The following CCL17 variants were observed in gnomAD, a reference collection of about 807,000 sequenced individuals.
The protein encoded by CCL17 is C-C motif chemokine 17.
CCL17 carries 8 observed loss-of-function variants against 7.4 expected under a neutral mutation model. The ratio of observed to expected loss-of-function variants is 1.09; its 90% CI spans 0.64 to 1.96. The LOEUF (loss-of-function observed/expected upper bound fraction) is 1.96. Ranked by LOEUF, CCL17 falls within the 30% of genes most tolerant of loss-of-function variation. The pLI, the probability that CCL17 is intolerant of heterozygous loss-of-function variation, is 0.00. For synonymous variants in CCL17, 40 were observed against 46.1 expected (o/e 0.87, Z 0.54); for missense variants, 102 against 113.0 (o/e 0.90, Z 0.44).
chr16:57,396,746 G>A, the CCL17 span, among the ~76,000 whole-genome samples: 1 of 152,194 alleles, frequency 6.6e-6, no homozygotes, highest in African/African-American at 2.4e-5. Flanking sequence ...AAGTTACTGT[G>A]ATCAGTTGGG....
chr16:57,408,279 T>C (rs4396523), intron 1 of CCL17, among the ~76,000 whole-genome samples: 33,452 of 151,614 alleles, frequency 0.22, 7,331 homozygotes, highest in African/African-American at 0.57. Flanking sequence ...ACTCATCCAT[T>C]CATCACTCAC....
the CCL17 span, among the ~76,000 whole-genome samples, chr16:57,397,228 A>G: frequency 6.6e-6 from 1 of 152,222 alleles, no homozygotes; most frequent in South Asian, 2.1e-4. Context: ...GGCTTTGACT[A>G]CTTGTCGGAT....
upstream of CCL17, among the ~76,000 whole-genome samples, chr16:57,401,043 CCTT>C (rs10680121): frequency 0.026 from 3,865 of 150,752 alleles, 55 homozygotes; most frequent in Admixed American, 0.04. Flanking sequence ...CTCCAGACAC[CCTT>C]CTTCTTCTTC....
intron 1 of CCL17, among the ~76,000 whole-genome samples, chr16:57,408,567 C>T (rs1902734828): frequency 7.1e-6 from 1 of 141,100 alleles, no homozygotes; most frequent in Admixed American, 6.7e-5. Context: ...CACTGTAACA[C>T]CTGGCTATTT....
chr16:57,397,654 A>C, the CCL17 span, among the ~76,000 whole-genome samples: 1 of 152,158 alleles, frequency 6.6e-6, no homozygotes, highest in Admixed American at 6.5e-5. Context: ...GTGGTATTTA[A>C]TGGGAGCTCC....
intron 1 of CCL17, among the ~76,000 whole-genome samples, chr16:57,412,485 A>G (rs1302609915): frequency 6.6e-6 from 1 of 152,218 alleles, no homozygotes; most frequent in Non-Finnish European, 1.5e-5. Flanking sequence ...AAAACAAGAA[A>G]CAAAAATCTC....
chr16:57,400,098 G>A (rs534491079), upstream of CCL17, among the ~76,000 whole-genome samples: 107 of 152,308 alleles, frequency 7.0e-4, no homozygotes, highest in Non-Finnish European at 1.2e-3. Context: ...GGTGGCTCAC[G>A]CCTGTAATCC....
At chr16:57,408,240 C>T (rs575523455) in intron 1 of CCL17, among the ~76,000 whole-genome samples, 2 of 152,152 alleles carry the variant, frequency 1.3e-5, no homozygotes, top group South Asian at 4.2e-4. Flanking sequence ...ATCCATCCAT[C>T]CGTCCATTCT....
chr16:57,400,259 T>C (rs1236217181), upstream of CCL17, among the ~76,000 whole-genome samples: 1 of 151,846 alleles, frequency 6.6e-6, no homozygotes, highest in African/African-American at 2.4e-5. Flanking sequence ...CTTGGGAGGC[T>C]GAGCTAGGAG....
intron 1 of CCL17, among the ~76,000 whole-genome samples, chr16:57,405,799 C>T (rs1177233123): frequency 2.0e-5 from 3 of 151,024 alleles, no homozygotes; most frequent in African/African-American, 7.3e-5. Context: ...TTTGGGAGGC[C>T]GAGGCAGGTG....
intron 2 of CCL17, 83 bp from the exon 3 acceptor site, chr16:57,414,998 T>A: frequency 1.2e-6 from 1 of 840,102 alleles, no homozygotes. Flanking sequence ...CACATGCAGA[T>A]CTTCCACGAA....
Position 57,415,749 on chromosome 16 carries a change from T to G in CCL17, c.189-16T>G, listed in dbSNP as rs1489844003. On this transcript the variant is annotated splice_polypyrimidine_tract_variant and intron_variant, in intron 3 of 3. Transcript: ENST00000219244. This position sits in a 1 kb window ranked among gnomAD's most constrained non-coding sequence, Gnocchi z 4.5. Reference sequence around the variant, plus strand: ...TCCCCCCCTGCCACTCCTGGTAACGTCCTCCTTCTGTGTAGTTTTGTAACT... The same window carrying G: ...TCCCCCCCTGCCACTCCTGGTAACGGCCTCCTTCTGTGTAGTTTTGTAACT... 7 of 1,567,228 alleles carry G rather than the reference T, an allele frequency of 4.5e-6. No homozygotes were observed. Among genetic ancestry groups the G allele is most frequent in the Middle Eastern group, 3.4e-4 (2 of 5,870 alleles).
upstream of CCL17, among the ~76,000 whole-genome samples, chr16:57,399,819 CA>C (rs2146527657): frequency 6.6e-6 from 1 of 152,286 alleles, no homozygotes; most frequent in South Asian, 2.1e-4. Flanking sequence ...TGCATTTTCT[CA>C]TTGTCATCCC....
Position 57,415,205 on chromosome 16 carries a change from C to T in CCL17, c.188+7C>T. 1 of 1,553,670 alleles carries T rather than the reference C, an allele frequency of 6.4e-7. No homozygotes were observed. The highest frequency in any genetic ancestry group is 8.9e-7 in the Non-Finnish European group (1 of 1,124,942). ...GCTCCAGGGATGCCATCGTGTAAGTCCCCCTGGCTCCACCCCTGCTCCTCA... is the reference window on the plus strand; with the variant it reads ...GCTCCAGGGATGCCATCGTGTAAGTTCCCCTGGCTCCACCCCTGCTCCTCA... On this transcript the variant is annotated splice_region_variant and intron_variant, in intron 3 of 3. Transcript: ENST00000219244. The surrounding 1 kb of genome is among the most constrained non-coding windows in gnomAD (Gnocchi z 4.5).
chr16:57,411,708 G>A (rs961136434), intron 1 of CCL17, among the ~76,000 whole-genome samples: 2 of 152,218 alleles, frequency 1.3e-5, no homozygotes, highest in South Asian at 2.1e-4. Context: ...GGTGGTCGGC[G>A]GAGGCGCCCC....
At chr16:57,403,664 A>ATT (rs1159020283), upstream of CCL17, among the ~76,000 whole-genome samples, 71 of 92,850 alleles carry the variant, frequency 7.6e-4, 2 homozygotes, top group Middle Eastern at 8.9e-3. Context: ...ATATATATAT[A>ATT]TATATTTTTT....
intron 1 of CCL17, among the ~76,000 whole-genome samples, chr16:57,406,453 A>G (rs1902697251): frequency 1.3e-5 from 2 of 152,094 alleles, no homozygotes; most frequent in Admixed American, 6.5e-5. Flanking sequence ...TAATTTTCTC[A>G]TCTGTAGAAA....
chr16:57,412,443 T>C (rs1307083066), intron 1 of CCL17, among the ~76,000 whole-genome samples: 1 of 152,208 alleles, frequency 6.6e-6, no homozygotes, highest in Non-Finnish European at 1.5e-5. Flanking sequence ...GCTCCAGTAG[T>C]GTGGGGTTTC....
chr16:57,409,959 C>A (rs1215096303), intron 1 of CCL17, among the ~76,000 whole-genome samples: 1 of 152,184 alleles, frequency 6.6e-6, no homozygotes, highest in African/African-American at 2.4e-5. Context: ...AATGCTCAAT[C>A]CTTACTGAGC....
Sources: allele counts gnomAD v4.1 joint callset (sites outside exome capture counted in the v4.1 genomes callset), GRCh38; gene constraint gnomAD v4.1.1; non-coding constraint Gnocchi (gnomAD v3.1); transcripts MANE v1.5; gene names NCBI Gene and HGNC (gene_info 2026-07-23, HGNC 2026-07-21).